Variants in AKT3 observed in about 807,000 individuals in gnomAD.
AKT3 encodes AKT serine/threonine kinase 3.
AKT3 carries 15 observed loss-of-function variants against 65.3 expected under a neutral mutation model. The ratio of observed to expected loss-of-function variants is 0.23; its 90% CI spans 0.15 to 0.35. AKT3 has a LOEUF of 0.35. AKT3 is among the 10% of genes least tolerant of loss of function. AKT3 has a pLI of 1.00. For synonymous variants in AKT3, 206 were observed against 183.8 expected, an observed-to-expected ratio of 1.12 and a Z score of -0.98; for missense variants, 243 against 576.5, an observed-to-expected ratio of 0.42 and a Z score of 5.92.
chr1:243,792,131 G>A (rs1416023441), intron 2 of AKT3, among the ~76,000 whole-genome samples: 1 of 138,804 alleles, frequency 7.2e-6, no homozygotes. Flanking sequence ...ACTAGGGAAC[G>A]TTCACTGTTC....
chr1:243,776,615 T>C (rs1690566872), intron 2 of AKT3, among the ~76,000 whole-genome samples: 1 of 152,216 alleles, frequency 6.6e-6, no homozygotes, highest in Admixed American at 6.5e-5. Flanking sequence ...AATTTTGTTA[T>C]GGCAGCTTGA....
chr1:243,756,925 A>C (rs1403885597), intron 2 of AKT3, among the ~76,000 whole-genome samples: 1 of 152,226 alleles, frequency 6.6e-6, no homozygotes, highest in Non-Finnish European at 1.5e-5. Flanking sequence ...CACTTTTGTG[A>C]CATTGCTGCC....
rs2148628919 is a variant in AKT3 at position 243,624,942 on chromosome 1, C to G, written c.562-9781G>C. On this transcript the variant is annotated intron_variant, in intron 6 of 13. Coordinates refer to ENST00000673466, the MANE Select transcript of AKT3 (RefSeq NM_005465.7). ...GTCTTCTTCTTGACTGATAATCACT[C>G]TTGGTTTGTCCACATTTCCCACCTG... 1.1e-5 allele frequency: 3 copies of G among 274,272 alleles called. No individual in the cohort carries two copies. The South Asian group carries it at 1.6e-4, about 14-fold the overall frequency. 17.0% of individuals were successfully genotyped at this position (274,272 alleles called of 1,614,324 possible).
intron 11 of AKT3, among the ~76,000 whole-genome samples, chr1:243,550,958 C>CAAAAAAAAAAAAA (rs60047036): frequency 3.4e-4 from 6 of 17,534 alleles, no homozygotes; most frequent in East Asian, 2.1e-3. Context: ...GACTCCCTCT[C>CAAAAAAAAAAAAA]AAAAAAAAAA....
chr1:243,782,333 CTTAT>C (rs1690965703), intron 2 of AKT3, among the ~76,000 whole-genome samples: 1 of 152,156 alleles, frequency 6.6e-6, no homozygotes, highest in Admixed American at 6.5e-5. Context: ...TAGGAAACAA[CTTAT>C]TTATTTCTCA....
At chr1:243,788,503 A>C (rs1338125220) in intron 2 of AKT3, among the ~76,000 whole-genome samples, 1 of 152,240 alleles carries the variant, frequency 6.6e-6, no homozygotes, top group Non-Finnish European at 1.5e-5. Flanking sequence ...TCTTATATCA[A>C]ATGGTATAGT....
At chr1:243,807,611 G>A (rs1286429029) in intron 2 of AKT3, among the ~76,000 whole-genome samples, 1 of 152,214 alleles carries the variant, frequency 6.6e-6, no homozygotes, top group East Asian at 1.9e-4. Context: ...CTGGGGGCAA[G>A]GCATAGCCAA....
At chr1:243,846,050 A>T (rs565429183) in intron 1 of AKT3, among the ~76,000 whole-genome samples, 10 of 152,358 alleles carry the variant, frequency 6.6e-5, no homozygotes, top group Non-Finnish European at 1.2e-4. Context: ...TCTACGGAGT[A>T]TCTACTTCAT....
At chr1:243,813,247 T>C (rs1393393455) in intron 2 of AKT3, among the ~76,000 whole-genome samples, 1 of 152,172 alleles carries the variant, frequency 6.6e-6, no homozygotes, top group East Asian at 1.9e-4. Flanking sequence ...GTATGTATCA[T>C]GTATGCAGTA....
chr1:243,782,558 T>C lies in AKT3; in HGVS notation c.46+60567A>G, dbSNP rs538997481. On this transcript the variant is annotated intron_variant, in intron 2 of 13. Coordinates refer to ENST00000673466, the MANE Select transcript of AKT3 (RefSeq NM_005465.7). ...CCCAAAGCCCCTTTTCTTAACACTA[T>C]CATATCCGGGATTAGGTTTCGACAT... Among the ~76,000 whole-genome samples the C allele has an allele frequency of 7.9e-5, 12 of 152,102 alleles. No individual in the cohort carries two copies. The South Asian group carries it at 2.5e-3, about 32-fold the overall frequency.
intron 2 of AKT3, among the ~76,000 whole-genome samples, chr1:243,719,410 G>A (rs1686733985): frequency 6.6e-6 from 1 of 152,078 alleles, no homozygotes; most frequent in South Asian, 2.1e-4. Context: ...TCCTCCAACT[G>A]GAGTCACACC....
intron 2 of AKT3, among the ~76,000 whole-genome samples, chr1:243,726,185 AGGT>A (rs1687199238): frequency 6.6e-6 from 1 of 152,160 alleles, no homozygotes; most frequent in African/African-American, 2.4e-5. Context: ...TTCCAACTGG[AGGT>A]TAACCCACGC....
intron 9 of AKT3, among the ~76,000 whole-genome samples, chr1:243,568,217 G>C (rs1674311036): frequency 6.6e-6 from 1 of 152,042 alleles, no homozygotes; most frequent in African/African-American, 2.4e-5. Context: ...CTAAATTTAT[G>C]AAACTTTACA....
intron 4 of AKT3, among the ~76,000 whole-genome samples, chr1:243,658,537 A>C (rs534733462): frequency 8.7e-4 from 133 of 152,328 alleles, no homozygotes; most frequent in Middle Eastern, 6.8e-3. Context: ...AAAATAACGT[A>C]GCTGCTACAG....
At chr1:243,549,685 A>T (rs879409304) in intron 11 of AKT3, among the ~76,000 whole-genome samples, 1 of 152,006 alleles carries the variant, frequency 6.6e-6, no homozygotes, top group East Asian at 1.9e-4. Context: ...TCGGCCTCCC[A>T]AAGTGCGGGG....
At chr1:243,647,596 G>A (rs1680917909) in intron 4 of AKT3, among the ~76,000 whole-genome samples, 1 of 152,024 alleles carries the variant, frequency 6.6e-6, no homozygotes, top group Non-Finnish European at 1.5e-5. Context: ...ATTGATTTTT[G>A]TATATTGACT....
Position 243,615,082 on chromosome 1 carries a change from C to G in AKT3, c.627+14G>C, listed in dbSNP as rs752431670. ...AAATGTTACGATTATAACATCTGTC[C>G]TCTAGTCACTTACTGTTAAAAAGGG... On this transcript the variant is annotated intron_variant, in intron 7 of 13. Coordinates refer to ENST00000673466, the MANE Select transcript of AKT3 (RefSeq NM_005465.7). 13 of 1,553,594 alleles carry G rather than the reference C, an allele frequency of 8.4e-6. No homozygotes were observed. In the South Asian group the frequency reaches 1.4e-4, roughly 16 times the overall value.
intron 2 of AKT3, among the ~76,000 whole-genome samples, chr1:243,800,196 T>TA (rs1692294989): frequency 6.6e-6 from 1 of 152,226 alleles, no homozygotes; most frequent in Admixed American, 6.5e-5. Context: ...CTGACCCTAC[T>TA]ACTTGCTAGG....
intron 6 of AKT3, among the ~76,000 whole-genome samples, chr1:243,622,562 G>A (rs1678836379): frequency 6.6e-6 from 1 of 152,128 alleles, no homozygotes; most frequent in Non-Finnish European, 1.5e-5. Flanking sequence ...CAAATAATTA[G>A]GTGTTCGACA....
Sources: allele counts gnomAD v4.1 joint callset (sites outside exome capture counted in the v4.1 genomes callset), GRCh38; gene constraint gnomAD v4.1.1; transcripts MANE v1.5; gene names NCBI Gene and HGNC (gene_info 2026-07-23, HGNC 2026-07-21).